VEZT: variants seen among roughly 807,000 people sequenced by gnomAD.
VEZT encodes vezatin, adherens junctions transmembrane protein, also known as vezatin.
Under a neutral mutation model 79.9 loss-of-function variants are expected in VEZT, and 39 were observed. The ratio of observed to expected loss-of-function variants is 0.49; its 90% CI spans 0.38 to 0.64. The LOEUF is 0.64. Ranked by LOEUF, VEZT falls within the 30% of genes least tolerant of loss-of-function variation. VEZT has a pLI of 0.00. For synonymous variants in VEZT, 325 were observed against 327.6 expected, an observed-to-expected ratio of 0.99 and a Z score of 0.09; for missense variants, 837 against 893.1, an observed-to-expected ratio of 0.94 and a Z score of 0.80.
intron 1 of VEZT, among the ~76,000 whole-genome samples, chr12:95,244,776 G>A (rs111504149): frequency 0.025 from 3,427 of 135,352 alleles, 121 homozygotes; most frequent in African/African-American, 0.092. Flanking sequence ...TTTTTTTGGT[G>A]TGTTTTTTTT....
intron 5 of VEZT, among the ~76,000 whole-genome samples, chr12:95,268,450 A>G (rs946017042): frequency 2.6e-5 from 4 of 152,204 alleles, no homozygotes; most frequent in Non-Finnish European, 1.5e-5. Flanking sequence ...GTGAGCCGAG[A>G]TCGCGCTACT....
In VEZT at chr12:95,297,847, C is replaced by T. The variant is rs141708856; in HGVS notation, c.1831+1589C>T. Among the ~76,000 whole-genome samples, 497 of 152,296 alleles carry T rather than the reference C, an allele frequency of 3.3e-3. 2 individuals carry two copies. Among genetic ancestry groups the T allele is most frequent in the African/African-American group, 0.01 (424 of 41,566 alleles). On this transcript the variant is annotated intron_variant, in intron 11 of 11. Coordinates refer to ENST00000436874, the MANE Select transcript of VEZT (RefSeq NM_017599.4). ...GAAAAAAATTCATGCTGGCCAAGCACAGTGGCTCACGCCTCTAATTCCAAC... is the reference window on the plus strand; with the variant it reads ...GAAAAAAATTCATGCTGGCCAAGCATAGTGGCTCACGCCTCTAATTCCAAC...
chr12:95,295,316 G>A (rs182187665), intron 10 of VEZT, among the ~76,000 whole-genome samples: 10 of 152,132 alleles, frequency 6.6e-5, no homozygotes, highest in East Asian at 1.9e-4. Flanking sequence ...GCCTGCCACC[G>A]CGCCTGGCTA....
chr12:95,217,933 G>A, intron 1 of VEZT, 47 bp downstream of exon 1: 3 of 1,452,480 alleles, frequency 2.1e-6, no homozygotes, highest in Non-Finnish European at 2.7e-6. Context: ...GTTTGAGAAG[G>A]ACGAGACGGA....
chr12:95,244,242 T>C (rs1216398546), intron 1 of VEZT, among the ~76,000 whole-genome samples: 1 of 151,834 alleles, frequency 6.6e-6, no homozygotes, highest in African/African-American at 2.4e-5. Flanking sequence ...TAAAAAACAA[T>C]TAGCCGGACA....
intron 1 of VEZT, among the ~76,000 whole-genome samples, chr12:95,236,047 G>A (rs964752589): frequency 1.8e-4 from 27 of 152,034 alleles, no homozygotes; most frequent in African/African-American, 4.8e-4. Context: ...CTGCAATCTC[G>A]GCACTTTGGG....
At chr12:95,260,098 C>CTTTTTTTTTTTTTT (rs56756447) in intron 3 of VEZT, among the ~76,000 whole-genome samples, 1 of 68,506 alleles carries the variant, frequency 1.5e-5, no homozygotes, top group African/African-American at 6.3e-5. Context: ...TGGTTGATCA[C>CTTTTTTTTTTTTTT]TTTTTTTTTT....
intron 7 of VEZT, among the ~76,000 whole-genome samples, chr12:95,277,875 C>T (rs1353310378): frequency 6.6e-6 from 1 of 152,212 alleles, no homozygotes; most frequent in Non-Finnish European, 1.5e-5. Flanking sequence ...TATAGTATTT[C>T]ATTTCCTTTT....
At position 95,274,908 on chromosome 12, in the gene VEZT, G is replaced by A. The variant is rs767083289; in HGVS notation, c.996+19G>A. ...ATTGAAGGTAATCCATTTGTGTAAG[G>A]GAAGGGCTGAAGAAAAAATAGATGC... On this transcript the variant is annotated intron_variant, in intron 7 of 11. Transcript: ENST00000436874. The A allele has an allele frequency of 8.1e-6, 13 of 1,606,762 alleles. No individual in the cohort carries two copies. In the South Asian group the frequency reaches 1.2e-4, roughly 15 times the overall value.
intron 1 of VEZT, among the ~76,000 whole-genome samples, chr12:95,224,488 C>T (rs988686592): frequency 2.0e-5 from 3 of 152,068 alleles, no homozygotes; most frequent in African/African-American, 4.8e-5. Context: ...TAACCTGTAA[C>T]TCTTATCACG....
rs776123750 is a variant in VEZT at position 95,261,631 on chromosome 12, G to A, written c.259-1275G>A. Among the ~76,000 whole-genome samples, 5 of 152,146 alleles carry A rather than the reference G, an allele frequency of 3.3e-5. No individual in the cohort carries two copies. In the East Asian group the frequency reaches 5.8e-4, roughly 18 times the overall value. On this transcript the variant is annotated intron_variant, in intron 3 of 11. Coordinates refer to ENST00000436874, the MANE Select transcript of VEZT (RefSeq NM_017599.4). ...TCACCATATTGGCCAGGCTGGTCTC[G>A]AAATCCTGACCTCAGGTGATCCGCC...
chr12:95,251,567 A>G (rs909501435), intron 1 of VEZT, among the ~76,000 whole-genome samples: 1 of 152,174 alleles, frequency 6.6e-6, no homozygotes, highest in Non-Finnish European at 1.5e-5. Context: ...GAGTAATAAC[A>G]TTGTCGTTTG....
chr12:95,224,734 C>T lies in VEZT; in HGVS notation c.36+6848C>T, dbSNP rs368258756. Among the ~76,000 whole-genome samples the T allele has an allele frequency of 2.6e-5, 4 of 152,288 alleles. No homozygotes were observed. In the East Asian group the frequency reaches 5.8e-4, roughly 22 times the overall value. On this transcript the variant is annotated intron_variant, in intron 1 of 11. Transcript: ENST00000436874. ...GAACATATTTCAGGTTCTGCTGAGT[C>T]AGCCCTACTTCTAGATACTAAGTAC...
rs1166794853 is a variant in VEZT, at chr12:95,250,105, T to G, written c.37-1835T>G. ...TATACTTTAAGTTTTAGGGTACATG[T>G]GCACAATGTGCAGGTTAGTTACATA... On this transcript the variant is annotated intron_variant, in intron 1 of 11. Transcript: ENST00000436874. Among the ~76,000 whole-genome samples, 4 of 150,016 alleles carry G rather than the reference T, an allele frequency of 2.7e-5. No homozygotes were observed. The East Asian group carries it at 7.8e-4, about 29-fold the overall frequency.
Position 95,257,131 on chromosome 12 carries a change from T to C in VEZT, c.169-19T>C. 6.3e-7 allele frequency: 1 copy of C among 1,593,712 alleles called. No homozygotes were observed. The highest frequency in any genetic ancestry group is 8.6e-7 in the Non-Finnish European group (1 of 1,167,278). On this transcript the variant is annotated intron_variant, in intron 2 of 11. Coordinates refer to ENST00000436874, the MANE Select transcript of VEZT (RefSeq NM_017599.4). ...GTATGCTTTTAATAATCCTATACAA[T>C]GTCATTCATTTCCTTCAGCAAGGTA...
chr12:95,256,446 G>A, intron 2 of VEZT: 1 of 566,626 alleles, frequency 1.8e-6, no homozygotes, highest in Middle Eastern at 4.9e-4. Flanking sequence ...TACTTTTTCA[G>A]ACTTTACATT....
chr12:95,284,108 A>C (rs905406757), intron 8 of VEZT, among the ~76,000 whole-genome samples: 1 of 152,236 alleles, frequency 6.6e-6, no homozygotes, highest in African/African-American at 2.4e-5. Flanking sequence ...TTGTACCATG[A>C]GCAGGAATTG....
At chr12:95,267,857 A>G (rs1165656864) in intron 5 of VEZT, among the ~76,000 whole-genome samples, 3 of 152,038 alleles carry the variant, frequency 2.0e-5, no homozygotes, top group African/African-American at 7.2e-5. Context: ...CCCCATCTCT[A>G]CAAATAATAA....
At position 95,301,061 on chromosome 12, in the gene VEZT, C is replaced by G. The variant is rs1465756239; in HGVS notation, c.*388C>G. The stretch of plus-strand genomic sequence containing the variant: ...TAGTATGACTCCTTTTTACTGTATT[C>G]TTGCAGTTAATAACTGCAGCTATTA... On this transcript the variant is annotated 3_prime_UTR_variant, in exon 12 of 12. Coordinates refer to ENST00000436874, the MANE Select transcript of VEZT (RefSeq NM_017599.4). 6.5e-6 allele frequency: 1 copy of G among 154,338 alleles called. No homozygotes were observed. Among genetic ancestry groups the G allele is most frequent in the Non-Finnish European group, 1.4e-5 (1 of 69,492 alleles). The allele number at this position is 154,338 out of a possible 1,614,324, so 9.6% of individuals were successfully genotyped here. A position where few individuals can be genotyped will look rare whatever the true frequency, so the allele number is the denominator to read the frequency against.
Sources: gnomAD v4.1 joint callset for allele counts (sites outside exome capture counted in the v4.1 genomes callset) on GRCh38, gnomAD v4.1.1 for gene constraint, MANE v1.5 for transcripts, NCBI Gene and HGNC (gene_info 2026-07-23, HGNC 2026-07-21) for gene names.